Variants in HIP1 observed in about 807,000 individuals in gnomAD.
HIP1 encodes the protein huntingtin interacting protein 1, also known as huntingtin-interacting protein 1.
In HIP1, 65 loss-of-function variants were observed where a neutral mutation model predicts 147.6. That is an observed-to-expected ratio of 0.44 (90% CI 0.36 to 0.54). HIP1 has a LOEUF of 0.54. Among genes scored for constraint, HIP1 ranks in the 20% least tolerant of loss-of-function variants. The probability of loss-of-function intolerance (pLI) is 0.00; values close to 1 mark genes in which losing one functional copy is unlikely to be tolerated. For synonymous variants in HIP1, 479 were observed against 504.0 expected, an observed-to-expected ratio of 0.95 and a Z score of 0.67; for missense variants, 1,061 against 1,299.6, an observed-to-expected ratio of 0.82 and a Z score of 2.82.
At chr7:75,660,177 C>T (rs926542352) in intron 1 of HIP1, among the ~76,000 whole-genome samples, 36 of 150,186 alleles carry the variant, frequency 2.4e-4, no homozygotes, top group Non-Finnish European at 5.9e-5. Flanking sequence ...TCAAGACAGC[C>T]TAAGTCTACT....
chr7:75,726,603 C>A (rs560941731), intron 1 of HIP1, among the ~76,000 whole-genome samples: 1 of 151,866 alleles, frequency 6.6e-6, no homozygotes, highest in East Asian at 1.9e-4. Context: ...TATCACCCCA[C>A]GTCCTTGCCA....
intron 1 of HIP1, among the ~76,000 whole-genome samples, chr7:75,683,439 C>T (rs567313085): frequency 1.3e-5 from 1 of 76,900 alleles, no homozygotes; most frequent in South Asian, 4.3e-4. Flanking sequence ...TACTCGGACT[C>T]GTTGGGAGTG....
intron 17 of HIP1, 33 bp from the exon 18 acceptor site, chr7:75,556,202 G>A: frequency 6.2e-7 from 1 of 1,609,568 alleles, no homozygotes; most frequent in South Asian, 1.1e-5. Context: ...AGAGGGAGAC[G>A]CTGGTTGAGT....
intron 1 of HIP1, among the ~76,000 whole-genome samples, chr7:75,705,361 C>CTT (rs869130124): frequency 1.4e-5 from 2 of 145,664 alleles, no homozygotes; most frequent in African/African-American, 5.0e-5. Flanking sequence ...GGATCTCTAC[C>CTT]TTTTTTTTTT....
intron 11 of HIP1, 95 bp from the exon 12 acceptor site, chr7:75,562,265 C>T (rs587736406): frequency 1.2e-4 from 102 of 821,124 alleles, no homozygotes; most frequent in African/African-American, 9.1e-4. Context: ...CCCCCTTTCT[C>T]GAATTAAACG....
At chr7:75,734,532 C>T (rs1379722129) in intron 1 of HIP1, among the ~76,000 whole-genome samples, 2 of 152,138 alleles carry the variant, frequency 1.3e-5, no homozygotes, top group Non-Finnish European at 2.9e-5. Flanking sequence ...CTTGCTGACC[C>T]CATTCACCAC....
At chr7:75,719,546 A>T (rs1554520956) in intron 1 of HIP1, among the ~76,000 whole-genome samples, 1 of 151,616 alleles carries the variant, frequency 6.6e-6, no homozygotes, top group African/African-American at 2.4e-5. Context: ...GGTATTTCTC[A>T]ATGCTCACAT....
chr7:75,599,294 C>T, intron 1 of HIP1, 47 bp from the exon 2 acceptor site: 1 of 1,449,778 alleles, frequency 6.9e-7, no homozygotes, highest in Non-Finnish European at 9.7e-7. Flanking sequence ...GATGAATAAG[C>T]CTCTGAGAGT....
intron 21 of HIP1, 141 bp from the exon 22 acceptor site, chr7:75,553,730 C>G (rs1794881015): frequency 1.3e-6 from 1 of 756,232 alleles, no homozygotes; most frequent in Non-Finnish European, 2.1e-6. Context: ...CTCGGCCTCC[C>G]AAGTAGCTGG....
chr7:75,603,572 C>T lies in HIP1; in HGVS notation c.121-4325G>A, dbSNP rs186914213. Among the ~76,000 whole-genome samples the T allele has an allele frequency of 1.1e-4, 16 of 152,138 alleles. No homozygotes were observed. In the South Asian group the frequency reaches 1.2e-3, roughly 12 times the overall value. On this transcript the variant is annotated intron_variant, in intron 1 of 30. Coordinates refer to ENST00000336926, the MANE Select transcript of HIP1 (RefSeq NM_005338.7). Reference sequence around the variant, plus strand: ...GATTTGGGGCTCTCCTGAGCACAGTCGTTGGCTCTGCAGGGTGAGCGTAAG... The same window carrying T: ...GATTTGGGGCTCTCCTGAGCACAGTTGTTGGCTCTGCAGGGTGAGCGTAAG...
At chr7:75,719,232 T>C (rs187994657) in intron 1 of HIP1, among the ~76,000 whole-genome samples, 135 of 151,802 alleles carry the variant, frequency 8.9e-4, no homozygotes, top group Middle Eastern at 6.9e-3. Context: ...AGGCCGGGCG[T>C]GGTGGCTCAT....
chr7:75,651,553 T>C (rs73141211), intron 1 of HIP1, among the ~76,000 whole-genome samples: 3,417 of 147,356 alleles, frequency 0.023, 75 homozygotes, highest in East Asian at 0.12. Context: ...GGATGCTGAA[T>C]GCAGAGTGGT....
intron 1 of HIP1, among the ~76,000 whole-genome samples, chr7:75,617,295 T>C (rs1416665069): frequency 6.6e-6 from 1 of 152,058 alleles, no homozygotes; most frequent in Non-Finnish European, 1.5e-5. Flanking sequence ...ACCAGGCTGG[T>C]CTTGAACTCC....
At chr7:75,598,897 T>C (rs1228179585) in intron 2 of HIP1, among the ~76,000 whole-genome samples, 3 of 152,058 alleles carry the variant, frequency 2.0e-5, no homozygotes, top group Non-Finnish European at 4.4e-5. Context: ...AGACCCCTTT[T>C]GGAAAAAGAA....
intron 1 of HIP1, among the ~76,000 whole-genome samples, chr7:75,630,382 C>T (rs1798171117): frequency 6.6e-6 from 1 of 150,436 alleles, no homozygotes; most frequent in African/African-American, 2.4e-5. Context: ...TCACTTGAGC[C>T]TGAGAGGTTT....
intron 1 of HIP1, among the ~76,000 whole-genome samples, chr7:75,700,960 C>T (rs561020683): frequency 1.4e-3 from 219 of 152,252 alleles, no homozygotes; most frequent in Non-Finnish European, 2.5e-3. Flanking sequence ...CCGTCTCGGC[C>T]TCCTAAAGTG....
At chr7:75,624,632 C>T (rs587634016) in intron 1 of HIP1, among the ~76,000 whole-genome samples, 8 of 152,270 alleles carry the variant, frequency 5.3e-5, no homozygotes, top group Admixed American at 2.0e-4. Context: ...CCAGGGCTTA[C>T]GAGGAAACTG....
At chr7:75,539,489 A>G (rs375995646) in intron 29 of HIP1, 58 bp from the exon 30 acceptor site, 3 of 1,388,258 alleles carry the variant, frequency 2.2e-6, no homozygotes, top group East Asian at 4.6e-5. Context: ...TTTAATTTTT[A>G]TTTATTTTTT....
Position 75,581,263 on chromosome 7 carries a change from TC to T in HIP1, c.577del (p.Glu193SerfsTer22). The T allele has an allele frequency of 6.2e-7, 1 of 1,611,798 alleles. No homozygotes were observed. On this transcript the variant is annotated frameshift_variant, in exon 7 of 31. Transcript: ENST00000336926. LOFTEE classifies it high-confidence loss of function. ...TGTTTGGAAGAGGTTGAGTTCACAC[TC>T]CAGGTAGTCAAACATCTCCACTGTT... ...QLTVEMFDYL[E>X]CELNLFQTVF...
Sources: allele counts gnomAD v4.1 joint callset (sites outside exome capture counted in the v4.1 genomes callset), GRCh38; gene constraint gnomAD v4.1.1; transcripts MANE v1.5; gene names NCBI Gene and HGNC (gene_info 2026-07-23, HGNC 2026-07-21).